ZNF519: variants seen among roughly 807,000 people sequenced by gnomAD.
ZNF519 encodes zinc finger protein 519, also known as similar to Zinc finger protein 85 (Zinc finger protein HPF4) (HTF1).
In ZNF519, 7 loss-of-function variants were observed where a neutral mutation model predicts 7.4. That is an observed-to-expected ratio of 0.94 (90% CI 0.54 to 1.77). The LOEUF (loss-of-function observed/expected upper bound fraction) is 1.77. Among genes scored for constraint, ZNF519 ranks in the 40% most tolerant of loss-of-function variants. The pLI, the probability that ZNF519 is intolerant of heterozygous loss-of-function variation, is 0.00. For missense variants in ZNF519, 586 were observed against 623.1 expected (o/e 0.94, Z 0.63); for synonymous variants, 179 against 203.3 (o/e 0.88, Z 1.02).
intron 2 of ZNF519, among the ~76,000 whole-genome samples, chr18:14,113,691 A>AT (rs56144421): frequency 0.21 from 28,911 of 140,512 alleles, 3,089 homozygotes; most frequent in Middle Eastern, 0.25. Context: ...TAGTAGCTCT[A>AT]TTTTTTTTTT....
rs759907397 is a variant in ZNF519, at chr18:14,124,352, A to G, written c.128T>C (p.Leu43Pro). 54 of 1,602,256 alleles carry G rather than the reference A, an allele frequency of 3.4e-5. No individual in the cohort carries two copies. Among genetic ancestry groups the G allele is most frequent in the Non-Finnish European group, 4.3e-5 (51 of 1,177,446 alleles). Residue 43 changes from leucine (L) to proline (P), a missense_variant and splice_region_variant, in exon 2 of 3, where the codon CTG becomes CCG. Leu to Pro is a moderately conservative substitution (Grantham distance 98). Coordinates refer to ENST00000590202, the MANE Select transcript of ZNF519 (RefSeq NM_145287.4). ...MLENYRNLVS[L>P]AVYSYYNQGI... ...TTATGTATTGAAGTTATTCTCACCC[A>G]GGGAGACGAGGTTTCTGTAGTTCTC...
intron 2 of ZNF519, among the ~76,000 whole-genome samples, chr18:14,118,510 A>G (rs915527531): frequency 1.3e-5 from 2 of 152,178 alleles, no homozygotes; most frequent in African/African-American, 4.8e-5. Context: ...TCATAAACTT[A>G]CAGAAACAGG....
At position 14,132,431 on chromosome 18, in the gene ZNF519, A is replaced by G; in HGVS notation, c.-154T>C. 1.1e-6 allele frequency: 1 copy of G among 892,760 alleles called. No homozygotes were observed. The highest frequency in any genetic ancestry group is 1.8e-6 in the Non-Finnish European group (1 of 570,334). The allele number at this position is 892,760 out of a possible 1,614,324, so 55.3% of individuals were successfully genotyped here. On this transcript the variant is annotated 5_prime_UTR_variant, in exon 1 of 3. Transcript: ENST00000590202. ...CTAACCCCGCGCTCTGGCTGAAGTGAGACAAAGGCCGCGCCAGATTCCGGA... is the reference window on the plus strand; with the variant it reads ...CTAACCCCGCGCTCTGGCTGAAGTGGGACAAAGGCCGCGCCAGATTCCGGA...
intron 3 of ZNF519, among the ~76,000 whole-genome samples, chr18:14,079,729 C>T (rs931949606): frequency 6.6e-6 from 1 of 152,130 alleles, no homozygotes; most frequent in Non-Finnish European, 1.5e-5. Flanking sequence ...AATCACAGAC[C>T]TTAACATCTT....
intron 2 of ZNF519, among the ~76,000 whole-genome samples, chr18:14,111,758 A>C (rs181488676): frequency 1.1e-4 from 17 of 152,214 alleles, no homozygotes; most frequent in African/African-American, 4.1e-4. Flanking sequence ...CTGAATAGAC[A>C]AACAAGACAT....
At chr18:14,131,116 C>T (rs1466033043) in intron 1 of ZNF519, among the ~76,000 whole-genome samples, 1 of 152,046 alleles carries the variant, frequency 6.6e-6, no homozygotes, top group African/African-American at 2.4e-5. Flanking sequence ...GGAAACATTG[C>T]CCCATAAAGT....
intron 2 of ZNF519, among the ~76,000 whole-genome samples, chr18:14,121,540 CA>C (rs2046269718): frequency 6.6e-6 from 1 of 152,048 alleles, no homozygotes; most frequent in Non-Finnish European, 1.5e-5. Context: ...ACTTAATGTT[CA>C]AAATAGGTTC....
chr18:14,078,164 A>G (rs2046055792), intron 4 of ZNF519: 1 of 152,214 alleles, frequency 6.6e-6, no homozygotes, highest in Admixed American at 6.5e-5. Context: ...AAGGAGGCAG[A>G]GCCCAGGCAG....
chr18:14,124,868 A>C (rs1179941728), intron 1 of ZNF519, among the ~76,000 whole-genome samples: 3 of 152,170 alleles, frequency 2.0e-5, no homozygotes, highest in Non-Finnish European at 4.4e-5. Flanking sequence ...AATAGACAGG[A>C]TCTCTGGGGA....
intron 2 of ZNF519, among the ~76,000 whole-genome samples, chr18:14,115,455 AAG>A (rs2046241896): frequency 2.0e-5 from 3 of 152,238 alleles, no homozygotes; most frequent in Non-Finnish European, 4.4e-5. Context: ...AATTGTCAAA[AAG>A]AGAAATATTG....
Position 14,100,831 on chromosome 18 carries a change from T to C in ZNF519, c.*4086A>G, listed in dbSNP as rs1215539526. 3 of 152,214 alleles carry C rather than the reference T, an allele frequency of 2.0e-5. No individual in the cohort carries two copies. The highest frequency in any genetic ancestry group is 1.3e-4 in the Admixed American group (2 of 15,284). 9.4% of individuals were successfully genotyped at this position (152,214 alleles called of 1,614,324 possible). ...AAATAGATGAGTAGGTTAATTCTATTACTGTCAATATCTTAGTTTTGATAT... is the reference window on the plus strand; with the variant it reads ...AAATAGATGAGTAGGTTAATTCTATCACTGTCAATATCTTAGTTTTGATAT... On this transcript the variant is annotated 3_prime_UTR_variant, in exon 3 of 3. Transcript: ENST00000590202.
At chr18:14,107,711 G>A (rs1245668773) in intron 2 of ZNF519, among the ~76,000 whole-genome samples, 2 of 152,100 alleles carry the variant, frequency 1.3e-5, no homozygotes, top group East Asian at 3.9e-4. Flanking sequence ...CAAAAAGGGT[G>A]AGTACCAGGC....
Position 14,109,340 on chromosome 18 carries a change from T to C in ZNF519, c.131-2931A>G, listed in dbSNP as rs79351342. Among the ~76,000 whole-genome samples, 817 of 152,236 alleles carry C rather than the reference T, an allele frequency of 5.4e-3. 5 individuals carry two copies. The highest frequency in any genetic ancestry group is 0.019 in the African/African-American group (782 of 41,526). ...AAAACCAACGAAGAAATATCAGGCC[T>C]AATCTGTGCTATAAACCAAATGGAC... On this transcript the variant is annotated intron_variant, in intron 2 of 2. Transcript: ENST00000590202.
At chr18:14,128,834 C>T (rs143490302) in intron 1 of ZNF519, among the ~76,000 whole-genome samples, 1 of 152,034 alleles carries the variant, frequency 6.6e-6, no homozygotes, top group South Asian at 2.1e-4. Flanking sequence ...AAAATTCTTC[C>T]CTCATTTTAA....
In ZNF519 at chr18:14,106,254, C is replaced by G. The variant is rs760207089; in HGVS notation, c.286G>C (p.Glu96Gln). 4.9e-5 allele frequency: 79 copies of G among 1,613,264 alleles called. No homozygotes were observed. Among genetic ancestry groups the G allele is most frequent in the South Asian group, 8.8e-5 (8 of 91,044 alleles). Reference sequence around the variant, plus strand: ...TATTGGCTACATAGATTATAACATTCCTTTTGTCCTTCACCTTCACCTATA... The same window carrying G: ...TATTGGCTACATAGATTATAACATTGCTTTTGTCCTTCACCTTCACCTATA... ...ESIGEGEGQKECYNLCSQYLT... is the reference protein window; with the variant it reads ...ESIGEGEGQKQCYNLCSQYLT... The change falls in exon 3 of 3, where the codon GAA becomes CAA. Residue 96 changes from glutamate (E) to glutamine (Q), a missense_variant. Transcript: ENST00000590202.
chr18:14,119,636 T>C (rs1213078042), intron 2 of ZNF519, among the ~76,000 whole-genome samples: 1 of 152,154 alleles, frequency 6.6e-6, no homozygotes, highest in Non-Finnish European at 1.5e-5. Flanking sequence ...TTCTGGGGTT[T>C]TTTGAGACAG....
In ZNF519 at chr18:14,105,780, C is replaced by T; in HGVS notation, c.760G>A (p.Gly254Arg). Reference protein sequence around the residue: ...IIVFSQSHLKGHKIINTGEKS... With the variant: ...IIVFSQSHLKRHKIINTGEKS... ...TCTCCAGTGTTAATTATCTTATGTC[C>T]CTTTAGATGTGATTGACTAAAGACT... The change falls in exon 3 of 3, where the codon GGA becomes AGA. Residue 254 changes from glycine to arginine, a missense_variant. By Grantham distance (125) the Gly-to-Arg change is moderately radical. Coordinates refer to ENST00000590202, the MANE Select transcript of ZNF519 (RefSeq NM_145287.4). 1 of 1,611,204 alleles carries T rather than the reference C, an allele frequency of 6.2e-7. No homozygotes were observed. Among genetic ancestry groups the T allele is most frequent in the Non-Finnish European group, 8.5e-7 (1 of 1,179,344 alleles).
intron 3 of ZNF519, among the ~76,000 whole-genome samples, chr18:14,083,275 G>A (rs1210644836): frequency 3.3e-5 from 5 of 152,120 alleles, no homozygotes; most frequent in African/African-American, 9.7e-5. Flanking sequence ...GCTTGAACCT[G>A]GGAGGCAGAG....
chr18:14,071,675 G>A (rs372174916), downstream of ZNF519: 7 of 151,920 alleles, frequency 4.6e-5, no homozygotes, highest in South Asian at 4.1e-4. Flanking sequence ...AGTAATAAAC[G>A]CAGGTATAAT....
Sources: gnomAD v4.1 joint callset for allele counts (sites outside exome capture counted in the v4.1 genomes callset) on GRCh38, gnomAD v4.1.1 for gene constraint, MANE v1.5 for transcripts, NCBI Gene and HGNC (gene_info 2026-07-23, HGNC 2026-07-21) for gene names.